The following MSRA variants were observed in gnomAD, a reference collection of about 807,000 sequenced individuals.
MSRA encodes the protein mitochondrial peptide methionine sulfoxide reductase.
MSRA carries 54 observed loss-of-function variants against 31.3 expected under a neutral mutation model. That is an observed-to-expected ratio of 1.73 (90% CI 1.39 to 2.17). The LOEUF (loss-of-function observed/expected upper bound fraction) is 2.17. MSRA is among the 30% of genes most tolerant of loss of function. The pLI is 0.00. For synonymous variants in MSRA, 169 were observed against 116.5 expected, an observed-to-expected ratio of 1.45 and a Z score of -2.90; for missense variants, 507 against 300.9, an observed-to-expected ratio of 1.69 and a Z score of -5.07.
At chr8:10,426,525 G>A (rs1585758124) in intron 5 of MSRA, among the ~76,000 whole-genome samples, 1 of 152,350 alleles carries the variant, frequency 6.6e-6, no homozygotes, top group East Asian at 1.9e-4. Context: ...GCTGCGCCCT[G>A]CAAAGAATAG....
At chr8:10,135,015 G>A (rs1329351778) in intron 1 of MSRA, among the ~76,000 whole-genome samples, 3 of 152,210 alleles carry the variant, frequency 2.0e-5, no homozygotes, top group African/African-American at 4.8e-5. Context: ...TTAACATTTT[G>A]TGTAATATCT....
At chr8:10,197,814 A>G (rs886770600) in intron 1 of MSRA, among the ~76,000 whole-genome samples, 1 of 152,164 alleles carries the variant, frequency 6.6e-6, no homozygotes, top group Non-Finnish European at 1.5e-5. Context: ...GGTTTGGTTT[A>G]TTCTGGAAGT....
intron 4 of MSRA, among the ~76,000 whole-genome samples, chr8:10,311,750 C>A (rs747015704): frequency 6.6e-6 from 1 of 151,982 alleles, no homozygotes; most frequent in African/African-American, 2.4e-5. Flanking sequence ...TCCATCTCTA[C>A]AAGAAATTTC....
intron 1 of MSRA, among the ~76,000 whole-genome samples, chr8:10,062,042 G>C (rs1797223676): frequency 6.6e-6 from 1 of 152,218 alleles, no homozygotes; most frequent in Non-Finnish European, 1.5e-5. Context: ...CAAGGAGTGG[G>C]AGCCTGGCTG....
chr8:10,093,060 C>T (rs975816209), intron 1 of MSRA, among the ~76,000 whole-genome samples: 2 of 152,006 alleles, frequency 1.3e-5, no homozygotes, highest in Non-Finnish European at 2.9e-5. Context: ...TTACTTTGAA[C>T]CTTTTTATGT....
intron 1 of MSRA, among the ~76,000 whole-genome samples, chr8:10,141,825 G>T (rs1051654181): frequency 6.6e-6 from 1 of 152,156 alleles, no homozygotes; most frequent in Non-Finnish European, 1.5e-5. Context: ...TTTTTGCCAG[G>T]TGAAAATGGG....
intron 2 of MSRA, among the ~76,000 whole-genome samples, chr8:10,222,571 C>G (rs1810613876): frequency 6.6e-6 from 1 of 152,120 alleles, no homozygotes; most frequent in Non-Finnish European, 1.5e-5. Flanking sequence ...AGGCACTATT[C>G]ACAACATACA....
chr8:10,421,167 C>T (rs1378167628), intron 5 of MSRA, among the ~76,000 whole-genome samples: 8 of 152,142 alleles, frequency 5.3e-5, no homozygotes, highest in Admixed American at 2.0e-4. Context: ...TGGGGCAGGG[C>T]GGCATCCTTG....
chr8:10,362,301 G>A (rs2129165768), intron 5 of MSRA, among the ~76,000 whole-genome samples: 1 of 152,118 alleles, frequency 6.6e-6, no homozygotes, highest in East Asian at 1.9e-4. Flanking sequence ...AGGACCTCTT[G>A]CCAAAGAGAA....
chr8:10,244,332 C>T (rs774113160), intron 2 of MSRA, among the ~76,000 whole-genome samples: 8 of 152,090 alleles, frequency 5.3e-5, no homozygotes, highest in Non-Finnish European at 1.0e-4. Flanking sequence ...GCAACATTTG[C>T]GACGTGCGTG....
intron 5 of MSRA, among the ~76,000 whole-genome samples, chr8:10,333,003 C>T (rs1802794960): frequency 1.3e-5 from 2 of 152,172 alleles, no homozygotes; most frequent in Admixed American, 1.3e-4. Flanking sequence ...TGAGTTCCAT[C>T]CAAGTACATC....
intron 2 of MSRA, among the ~76,000 whole-genome samples, chr8:10,238,324 C>A (rs1216400240): frequency 1.3e-5 from 2 of 152,216 alleles, no homozygotes; most frequent in African/African-American, 4.8e-5. Context: ...ATCTCTCTGA[C>A]CTGCTCTGCT....
chr8:10,419,424 T>A (rs946446435), intron 5 of MSRA, among the ~76,000 whole-genome samples: 1 of 152,116 alleles, frequency 6.6e-6, no homozygotes. Context: ...TGAATTCAAG[T>A]AAGGTCTGTG....
chr8:10,237,184 C>T (rs950186614), intron 2 of MSRA, among the ~76,000 whole-genome samples: 2 of 152,176 alleles, frequency 1.3e-5, no homozygotes, highest in Middle Eastern at 3.2e-3. Flanking sequence ...TAAGAGGAAA[C>T]AATACTGAAG....
intron 1 of MSRA, among the ~76,000 whole-genome samples, chr8:10,065,764 T>C (rs941118403): frequency 6.6e-6 from 1 of 152,160 alleles, no homozygotes; most frequent in African/African-American, 2.4e-5. Context: ...GTAAAGGAAA[T>C]TGATAGAGTT....
intron 1 of MSRA, among the ~76,000 whole-genome samples, chr8:10,075,534 T>C (rs1797958179): frequency 6.6e-6 from 1 of 152,262 alleles, no homozygotes; most frequent in Admixed American, 6.5e-5. Flanking sequence ...GAAGTGTTTC[T>C]ACAAATATGT....
At chr8:10,177,612 A>G (rs1806168938) in intron 1 of MSRA, among the ~76,000 whole-genome samples, 1 of 152,180 alleles carries the variant, frequency 6.6e-6, no homozygotes, top group South Asian at 2.1e-4. Context: ...GCATGTAGGT[A>G]TTTGCTACAT....
chr8:10,159,338 C>T (rs1202261847), intron 1 of MSRA, among the ~76,000 whole-genome samples: 1 of 151,984 alleles, frequency 6.6e-6, no homozygotes, highest in East Asian at 1.9e-4. Flanking sequence ...TTTGCATTTA[C>T]TATCAAGAGA....
intron 5 of MSRA, among the ~76,000 whole-genome samples, chr8:10,416,820 C>T (rs1480289903): frequency 6.6e-6 from 1 of 152,198 alleles, no homozygotes; most frequent in Non-Finnish European, 1.5e-5. Flanking sequence ...AGCTGTGGAG[C>T]CAACAAGCTG....
Sources: allele counts gnomAD v4.1 joint callset (sites outside exome capture counted in the v4.1 genomes callset), GRCh38; gene constraint gnomAD v4.1.1; transcripts MANE v1.5; gene names NCBI Gene and HGNC (gene_info 2026-07-23, HGNC 2026-07-21).